Variants in AOAH observed in about 807,000 individuals in gnomAD.
AOAH encodes acyloxyacyl hydrolase, also known as acyloxyacyl hydrolase (neutrophil).
A neutral mutation model predicts 92.2 loss-of-function variants in AOAH; 64 were observed. The observed-to-expected ratio is 0.69, with a 90% CI of 0.57 to 0.86. The LOEUF is 0.86. Ranked by LOEUF, AOAH falls within the 40% of genes least tolerant of loss-of-function variation. The probability of loss-of-function intolerance (pLI) is 0.00; values close to 1 mark genes in which losing one functional copy is unlikely to be tolerated. For synonymous variants in AOAH, 263 were observed against 254.5 expected (o/e 1.03, Z -0.32); for missense variants, 656 against 694.6 (o/e 0.94, Z 0.62).
At chr7:36,678,735 G>C (rs1176523242) in intron 2 of AOAH, among the ~76,000 whole-genome samples, 1 of 152,128 alleles carries the variant, frequency 6.6e-6, no homozygotes, top group Non-Finnish European at 1.5e-5. Flanking sequence ...GGCCCCTGGA[G>C]CAATGGCTGA....
At position 36,618,315 on chromosome 7, in the gene AOAH, C is replaced by T. The variant is rs1792038973; in HGVS notation, c.733G>A (p.Glu245Lys). 1.2e-6 allele frequency: 2 copies of T among 1,613,816 alleles called. No homozygotes were observed. Among genetic ancestry groups the T allele is most frequent in the Non-Finnish European group, 8.5e-7 (1 of 1,179,854 alleles). ...GVDPKDGVPY[E>K]KKFCEGSQPR... The stretch of plus-strand genomic sequence containing the variant: ...TTCATACCTTCACAGAATTTCTTCT[C>T]ATATGGAACTCCATCTTTTGGATCG... The change falls in exon 10 of 21, where the codon GAG becomes AAG. Residue 245 changes from glutamate to lysine, a missense_variant. By Grantham distance (56) the Glu-to-Lys change is moderately conservative. Coordinates refer to ENST00000617537, the MANE Select transcript of AOAH (RefSeq NM_001637.4).
chr7:36,685,961 T>C (rs1562695823), intron 2 of AOAH, among the ~76,000 whole-genome samples: 1 of 152,132 alleles, frequency 6.6e-6, no homozygotes, highest in East Asian at 1.9e-4. Context: ...TTGCCATTAT[T>C]CCAACTACCT....
intron 2 of AOAH, among the ~76,000 whole-genome samples, 169 bp from the exon 3 acceptor site, chr7:36,674,178 C>T (rs753115328): frequency 1.3e-5 from 2 of 152,124 alleles, no homozygotes; most frequent in African/African-American, 2.4e-5. Context: ...TTAAATATCA[C>T]TTCTATCTCA....
chr7:36,715,273 T>C (rs190888704), intron 1 of AOAH, among the ~76,000 whole-genome samples: 55 of 152,256 alleles, frequency 3.6e-4, no homozygotes, highest in Middle Eastern at 3.4e-3. Context: ...ACAAGGGACA[T>C]GAAGGACCTC....
chr7:36,556,756 T>C (rs2116415817), intron 13 of AOAH, among the ~76,000 whole-genome samples: 1 of 137,100 alleles, frequency 7.3e-6, no homozygotes, highest in East Asian at 2.1e-4. Flanking sequence ...CTTTGTCTCT[T>C]TTGATCTTTG....
chr7:36,624,284 G>A (rs146529970), intron 6 of AOAH, among the ~76,000 whole-genome samples: 77 of 152,304 alleles, frequency 5.1e-4, no homozygotes, highest in South Asian at 4.4e-3. Context: ...CTTTGGAGCC[G>A]AGAATTTACA....
intron 20 of AOAH, among the ~76,000 whole-genome samples, chr7:36,517,214 C>CTTTCTTTCTTTCTTTCTT (rs59205788): frequency 6.7e-5 from 7 of 104,810 alleles, no homozygotes; most frequent in Admixed American, 2.1e-4. Flanking sequence ...TTCTTTCTTT[C>CTTTCTTTCTTTCTTTCTT]TCTTTCTTTC....
At chr7:36,612,719 C>T (rs1791549665) in intron 11 of AOAH, among the ~76,000 whole-genome samples, 1 of 152,218 alleles carries the variant, frequency 6.6e-6, no homozygotes, top group South Asian at 2.1e-4. Context: ...CCTATTTCAC[C>T]ATATTTTTGC....
At chr7:36,534,952 G>T (rs1314461851) in intron 16 of AOAH, among the ~76,000 whole-genome samples, 1 of 11,930 alleles carries the variant, frequency 8.4e-5, no homozygotes, top group Non-Finnish European at 4.3e-4. Context: ...GTGTCTGTGT[G>T]TGTATCTGTG....
At chr7:36,589,523 A>G (rs1158045211) in intron 12 of AOAH, among the ~76,000 whole-genome samples, 1 of 152,182 alleles carries the variant, frequency 6.6e-6, no homozygotes, top group African/African-American at 2.4e-5. Flanking sequence ...CTCTTGAACA[A>G]TTTCCCTCAG....
chr7:36,683,607 T>A (rs1312104275), intron 2 of AOAH, among the ~76,000 whole-genome samples: 1 of 152,172 alleles, frequency 6.6e-6, no homozygotes, highest in Non-Finnish European at 1.5e-5. Context: ...AAATGAGTAA[T>A]GATTGGAGAT....
chr7:36,628,654 T>C (rs1285162915), intron 6 of AOAH, among the ~76,000 whole-genome samples: 3 of 152,190 alleles, frequency 2.0e-5, no homozygotes, highest in Admixed American at 6.5e-5. Context: ...GAAAGTAACC[T>C]GGGAGCTGGA....
At chr7:36,539,761 A>AATGCACCTTCCTAATG (rs1342910389) in intron 16 of AOAH, among the ~76,000 whole-genome samples, 7 of 152,218 alleles carry the variant, frequency 4.6e-5, no homozygotes, top group African/African-American at 1.7e-4. Context: ...GTTAAGGATC[A>AATGCACCTTCCTAATG]CACCTTCCTA....
chr7:36,615,881 C>T (rs989384609), intron 11 of AOAH, among the ~76,000 whole-genome samples: 12 of 146,348 alleles, frequency 8.2e-5, no homozygotes, highest in African/African-American at 2.7e-4. Flanking sequence ...TGGCCCTCTT[C>T]TTTTTTTTTT....
intron 13 of AOAH, among the ~76,000 whole-genome samples, chr7:36,553,286 A>G (rs1033687221): frequency 5.9e-5 from 9 of 152,102 alleles, no homozygotes; most frequent in Admixed American, 3.9e-4. Flanking sequence ...ATGTTCCTAC[A>G]AAGGACATGA....
chr7:36,685,966 C>T (rs1028222990), intron 2 of AOAH, among the ~76,000 whole-genome samples: 1 of 152,034 alleles, frequency 6.6e-6, no homozygotes, highest in Non-Finnish European at 1.5e-5. Context: ...ATTATTCCAA[C>T]TACCTTACTT....
At chr7:36,514,345 C>T in intron 20 of AOAH, 1 of 684,456 alleles carries the variant, frequency 1.5e-6, no homozygotes, top group Non-Finnish European at 2.4e-6. Flanking sequence ...TGGCTGGGTC[C>T]CTGACTGGGT....
At chr7:36,565,558 G>A (rs1208418848) in intron 13 of AOAH, among the ~76,000 whole-genome samples, 1 of 150,620 alleles carries the variant, frequency 6.6e-6, no homozygotes, top group East Asian at 1.9e-4. Context: ...TTTGAGACAG[G>A]GTCTCACTTT....
chr7:36,616,341 G>C (rs1180426020), intron 11 of AOAH, 39 bp downstream of exon 11: 1 of 1,533,416 alleles, frequency 6.5e-7, no homozygotes, highest in Non-Finnish European at 9.0e-7. Context: ...AAAAACAAAG[G>C]CCAGCACATC....
Sources: allele counts gnomAD v4.1 joint callset (sites outside exome capture counted in the v4.1 genomes callset), GRCh38; gene constraint gnomAD v4.1.1; transcripts MANE v1.5; gene names NCBI Gene and HGNC (gene_info 2026-07-23, HGNC 2026-07-21).